Variants in XAB2 observed in about 807,000 individuals in gnomAD.
The protein encoded by XAB2 is XPA binding protein 2.
XAB2 carries 57 observed loss-of-function variants against 113.4 expected under a neutral mutation model. The observed-to-expected ratio is 0.50, with a 90% CI of 0.41 to 0.63. The LOEUF (loss-of-function observed/expected upper bound fraction) is 0.63. XAB2 is among the 20% of genes least tolerant of loss of function. The probability of loss-of-function intolerance (pLI) is 0.00; values close to 1 mark genes in which losing one functional copy is unlikely to be tolerated. For synonymous variants in XAB2, 497 were observed against 498.8 expected (o/e 1.00, Z 0.05); for missense variants, 1,037 against 1,233.3 (o/e 0.84, Z 2.38).
chr19:7,620,017 C>T lies in XAB2; in HGVS notation c.2325G>A (p.Arg775=). 1 of 1,612,566 alleles carries T rather than the reference C, an allele frequency of 6.2e-7. No individual in the cohort carries two copies. Among genetic ancestry groups the T allele is most frequent in the Non-Finnish European group, 8.5e-7 (1 of 1,179,974 alleles). Residue 775 remains arginine, a synonymous_variant, in exon 17 of 19, where the codon CGG becomes CGA. Transcript: ENST00000358368. ...GMDDMKLLEQ[R]AEQLAAEAER... ...CCGCCTCAGCCGCCAGCTGCTCTGC[C>T]CGCTGTTCCAGCAGCTTCATGTCGT...
rs775804016 is a variant in XAB2, at chr19:7,622,995, AACACACAGGCAC to A, written c.1240-114_1240-103del. 5.7e-4 allele frequency: 879 copies of A among 1,554,056 alleles called. 1 individual carries two copies. The highest frequency in any genetic ancestry group is 1.6e-3 in the African/African-American group (121 of 73,564). The stretch of plus-strand genomic sequence containing the variant: ...CCATGCTCACAAACATACAGGCACA[AACACACAGGCAC>A]ACACACAGGCACACACATGCGTGCA... On this transcript the variant is annotated intron_variant, in intron 9 of 18. Coordinates refer to ENST00000358368, the MANE Select transcript of XAB2 (RefSeq NM_020196.3).
At position 7,622,677 on chromosome 19, in the gene XAB2, G is replaced by C; in HGVS notation, c.1372-16C>G. 6.2e-7 allele frequency: 1 copy of C among 1,612,082 alleles called. No homozygotes were observed. The highest frequency in any genetic ancestry group is 8.5e-7 in the Non-Finnish European group (1 of 1,179,880). On this transcript the variant is annotated splice_polypyrimidine_tract_variant and intron_variant, in intron 10 of 18. Transcript: ENST00000358368. The stretch of plus-strand genomic sequence containing the variant: ...CCGTGGCCTTCTGCAGGGGCAGACA[G>C]TGGCCGGGGAGGCGCTCAGGGGCTG...
rs945082334 is a variant in XAB2 at position 7,628,085 on chromosome 19, G to A, written c.200+65C>T. On this transcript the variant is annotated intron_variant, in intron 2 of 18. Coordinates refer to ENST00000358368, the MANE Select transcript of XAB2 (RefSeq NM_020196.3). This position sits in a 1 kb window ranked among gnomAD's most constrained non-coding sequence, Gnocchi z 4.6. ...CCCGGGACCCGGGACCCACTTGGCA[G>A]TTTTGTTATAACTGGACCAGGTGGG... The A allele has an allele frequency of 8.9e-6, 14 of 1,564,610 alleles. No individual in the cohort carries two copies. The Admixed American group carries it at 9.5e-5, about 11-fold the overall frequency.
chr19:7,623,380 A>T lies in XAB2; in HGVS notation c.1120-91T>A. ...TGTGGCTCTGAGGGGTGGGGCCTGG[A>T]GGGTGCTGTGGCCCCTGTCGGGAGA... On this transcript the variant is annotated intron_variant, in intron 8 of 18. Transcript: ENST00000358368. The surrounding 1 kb of genome is among the most constrained non-coding windows in gnomAD (Gnocchi z 4.6). 6.5e-7 allele frequency: 1 copy of T among 1,543,794 alleles called. No homozygotes were observed. Among genetic ancestry groups the T allele is most frequent in the Non-Finnish European group, 8.8e-7 (1 of 1,136,668 alleles).
Position 7,619,563 on chromosome 19 carries a change from A to T in XAB2, c.*23T>A. On this transcript the variant is annotated 3_prime_UTR_variant, in exon 19 of 19. Coordinates refer to ENST00000358368, the MANE Select transcript of XAB2 (RefSeq NM_020196.3). ...TAGCTGTATTGGGGAGGGGGTGGGG[A>T]GGGGGGATGGGGGAGGGACGGGTCA... 1 of 598,574 alleles carries T rather than the reference A, an allele frequency of 1.7e-6. No individual in the cohort carries two copies. The highest frequency in any genetic ancestry group is 2.3e-6 in the Non-Finnish European group (1 of 442,876). The allele number at this position is 598,574 out of a possible 1,614,324, so 37.1% of individuals were successfully genotyped here. A position where few individuals can be genotyped will look rare whatever the true frequency, so the allele number is the denominator to read the frequency against.
At position 7,624,376 on chromosome 19, in the gene XAB2, T is replaced by G; in HGVS notation, c.892A>C (p.Ser298Arg). 1.9e-6 allele frequency: 3 copies of G among 1,614,182 alleles called. No homozygotes were observed. Among genetic ancestry groups the G allele is most frequent in the Non-Finnish European group, 2.5e-6 (3 of 1,180,022 alleles). Residue 298 changes from serine (S) to arginine (R), a missense_variant, in exon 7 of 19, where the codon AGC (serine) becomes CGC (arginine). Physicochemically the swap from Ser to Arg is moderately radical, Grantham distance 110 (BLOSUM62 -1). Coordinates refer to ENST00000358368, the MANE Select transcript of XAB2 (RefSeq NM_020196.3). This position sits in a 1 kb window ranked among gnomAD's most constrained non-coding sequence, Gnocchi z 4.2. ...TVRDFTQVFD[S>R]YAQFEESMIA... ...ATGCTCTCCTCGAACTGGGCGTAGC[T>G]GTCAAACACCTGTGTGAAGTCCCGC...
In XAB2 at chr19:7,621,296, G is replaced by C. The variant is rs1194712294; in HGVS notation, c.1619C>G (p.Ala540Gly). ...EHKYFEESFK[A>G]YERGISLFKW... ...GAACAGCGAGATGCCGCGCTCGTAC[G>C]CCTGTTACCAGAGGGAGAGTCACAT... The change falls in exon 13 of 19, where the codon GCG becomes GGG. Residue 540 changes from alanine to glycine, a missense_variant and splice_region_variant. Coordinates refer to ENST00000358368, the MANE Select transcript of XAB2 (RefSeq NM_020196.3). 6.8e-6 allele frequency: 11 copies of C among 1,612,460 alleles called. No homozygotes were observed. The highest frequency in any genetic ancestry group is 9.3e-6 in the Non-Finnish European group (11 of 1,179,658).
At position 7,624,553 on chromosome 19, in the gene XAB2, G is replaced by A. The variant is rs937143085; in HGVS notation, c.823-108C>T. 7 of 1,521,122 alleles carry A rather than the reference G, an allele frequency of 4.6e-6. No individual in the cohort carries two copies. In the African/African-American group the frequency reaches 8.2e-5, roughly 18 times the overall value. The allele number at this position is 1,521,122 out of a possible 1,614,324, so 94.2% of individuals were successfully genotyped here. ...GGAACCCCTGGGGGCCTTCTGGGTAGTGACGCATCCAGCACCTCTGGGTAG... is the reference window on the plus strand; with the variant it reads ...GGAACCCCTGGGGGCCTTCTGGGTAATGACGCATCCAGCACCTCTGGGTAG... On this transcript the variant is annotated intron_variant, in intron 6 of 18. Transcript: ENST00000358368. The surrounding 1 kb of genome is among the most constrained non-coding windows in gnomAD (Gnocchi z 4.2).
In XAB2 at chr19:7,623,615, G is replaced by T; in HGVS notation, c.1119+116C>A. ...AACCCCAAGAACAGGGGTGGAATTGGACCTACTAAGCAAAGTCAGGCCCCT... is the reference window on the plus strand; with the variant it reads ...AACCCCAAGAACAGGGGTGGAATTGTACCTACTAAGCAAAGTCAGGCCCCT... On this transcript the variant is annotated intron_variant, in intron 8 of 18. Coordinates refer to ENST00000358368, the MANE Select transcript of XAB2 (RefSeq NM_020196.3). The surrounding 1 kb of genome is among the most constrained non-coding windows in gnomAD (Gnocchi z 4.6). 1 of 1,390,786 alleles carries T rather than the reference G, an allele frequency of 7.2e-7. No homozygotes were observed. The highest frequency in any genetic ancestry group is 9.7e-7 in the Non-Finnish European group (1 of 1,035,154). 86.2% of individuals were successfully genotyped at this position (1,390,786 alleles called of 1,614,324 possible).
In XAB2 at chr19:7,629,462, C is replaced by T. The variant is rs1211182631; in HGVS notation, c.51+15G>A. 4 of 1,591,762 alleles carry T rather than the reference C, an allele frequency of 2.5e-6. No individual in the cohort carries two copies. Among genetic ancestry groups the T allele is most frequent in the South Asian group, 1.1e-5 (1 of 87,796 alleles). On this transcript the variant is annotated intron_variant, in intron 1 of 18. Coordinates refer to ENST00000358368, the MANE Select transcript of XAB2 (RefSeq NM_020196.3). ...GCCCCAACGCAGGCCACCCCCGGCT[C>T]CTCTGTGGACTCACGAAGACAAGGT...
In XAB2 at chr19:7,623,439, C is replaced by A; in HGVS notation, c.1120-150G>T. The A allele has an allele frequency of 8.5e-7, 1 of 1,170,550 alleles. No homozygotes were observed. Among genetic ancestry groups the A allele is most frequent in the Non-Finnish European group, 1.2e-6 (1 of 837,398 alleles). 72.5% of individuals were successfully genotyped at this position (1,170,550 alleles called of 1,614,324 possible). A position where few individuals can be genotyped will look rare whatever the true frequency, so the allele number is the denominator to read the frequency against. On this transcript the variant is annotated intron_variant, in intron 8 of 18. Coordinates refer to ENST00000358368, the MANE Select transcript of XAB2 (RefSeq NM_020196.3). The surrounding 1 kb of genome is among the most constrained non-coding windows in gnomAD (Gnocchi z 4.6). ...ACGAACTATGGCCCTTGACAATGGTCAGGACCAAGAGAGAGCTGTGGCCCT... is the reference window on the plus strand; with the variant it reads ...ACGAACTATGGCCCTTGACAATGGTAAGGACCAAGAGAGAGCTGTGGCCCT...
chr19:7,624,876 C>T lies in XAB2; in HGVS notation c.823-431G>A, dbSNP rs1268502573. Reference sequence around the variant, plus strand: ...GCTTGCCTGACCCTCTTCCCCAGCCCGCCTGTCCTCCACCTGGCTCGCCCA... The same window carrying T: ...GCTTGCCTGACCCTCTTCCCCAGCCTGCCTGTCCTCCACCTGGCTCGCCCA... On this transcript the variant is annotated intron_variant, in intron 6 of 18. Coordinates refer to ENST00000358368, the MANE Select transcript of XAB2 (RefSeq NM_020196.3). This position sits in a 1 kb window ranked among gnomAD's most constrained non-coding sequence, Gnocchi z 4.2. Among the ~76,000 whole-genome samples the T allele has an allele frequency of 6.6e-6, 1 of 152,206 alleles. No individual in the cohort carries two copies. The highest frequency in any genetic ancestry group is 2.4e-5 in the African/African-American group (1 of 41,450).
rs1410624387 is a variant in XAB2 at position 7,626,271 on chromosome 19, C to T, written c.523-1G>A. On this transcript the variant is annotated splice_acceptor_variant, in intron 4 of 18. Coordinates refer to ENST00000358368, the MANE Select transcript of XAB2 (RefSeq NM_020196.3). LOFTEE classifies it high-confidence loss of function. Reference sequence around the variant, plus strand: ...ACTCCTCTGCACTCTCAGGACTCAGCTGGGGACCGAGCCACCCCTCAGGCA... The same window carrying T: ...ACTCCTCTGCACTCTCAGGACTCAGTTGGGGACCGAGCCACCCCTCAGGCA... 1 of 1,608,248 alleles carries T rather than the reference C, an allele frequency of 6.2e-7. No individual in the cohort carries two copies. The highest frequency in any genetic ancestry group is 1.1e-5 in the South Asian group (1 of 91,068).
chr19:7,629,499 G>A lies in XAB2; in HGVS notation c.29C>T (p.Pro10Leu), dbSNP rs745944962. 1 of 1,604,454 alleles carries A rather than the reference G, an allele frequency of 6.2e-7. No individual in the cohort carries two copies. Among genetic ancestry groups the A allele is most frequent in the Middle Eastern group, 1.7e-4 (1 of 6,040 alleles). The change falls in exon 1 of 19, where the codon CCC (proline) becomes CTC (leucine). Residue 10 changes from proline to leucine, a missense_variant. Transcript: ENST00000358368. The part of the protein sequence containing the change: MVVMARLSR[P>L]ERPDLVFEEE... ...CACGAAGACAAGGTCCGGCCGCTCG[G>A]GCCGCGAGAGTCGCGCCATCACCAC...
Position 7,623,587 on chromosome 19 carries a change from G to C in XAB2, c.1119+144C>G, listed in dbSNP as rs1163162278. The C allele has an allele frequency of 1.9e-5, 23 of 1,231,290 alleles. No individual in the cohort carries two copies. In the South Asian group the frequency reaches 3.3e-4, roughly 17 times the overall value. The allele number at this position is 1,231,290 out of a possible 1,614,324, so 76.3% of individuals were successfully genotyped here. On this transcript the variant is annotated intron_variant, in intron 8 of 18. Coordinates refer to ENST00000358368, the MANE Select transcript of XAB2 (RefSeq NM_020196.3). This position sits in a 1 kb window ranked among gnomAD's most constrained non-coding sequence, Gnocchi z 4.6. The stretch of plus-strand genomic sequence containing the variant: ...CTGAGGGGCGGGGCTCGGGCAGGAG[G>C]AGAACCCCAAGAACAGGGGTGGAAT...
intron 5 of XAB2, 33 bp from the exon 6 acceptor site, chr19:7,626,077 A>G (rs778247826): frequency 2.0e-5 from 33 of 1,609,914 alleles, no homozygotes; most frequent in Non-Finnish European, 2.7e-5. Context: ...GGAGAGTCTC[A>G]GGCTCAGTCA....
chr19:7,628,789 C>G lies in XAB2; in HGVS notation c.52-491G>C, dbSNP rs1360139196. On this transcript the variant is annotated intron_variant, in intron 1 of 18. Transcript: ENST00000358368. The surrounding 1 kb of genome is among the most constrained non-coding windows in gnomAD (Gnocchi z 4.6). ...TCTTTACCCCAGCCACCAGGGCTCT[C>G]AGGTCCAGATTCCAAGCCACTAGCC... Among the ~76,000 whole-genome samples the G allele has an allele frequency of 1.2e-4, 19 of 152,298 alleles. No individual in the cohort carries two copies. In the East Asian group the frequency reaches 3.5e-3, roughly 28 times the overall value.
Position 7,626,015 on chromosome 19 carries a change from G to T in XAB2, c.687C>A (p.Ser229=). The T allele has an allele frequency of 3.1e-6, 5 of 1,611,814 alleles. No individual in the cohort carries two copies. The highest frequency in any genetic ancestry group is 4.2e-6 in the Non-Finnish European group (5 of 1,178,314). The part of the protein sequence containing the change: ...QLWHELCDLI[S]QNPDKVQSLN... ...GGGACTGTACCTTGTCCGGATTCTG[G>T]GAGATGAGGTCGCACAGCTCGTGCC... Residue 229 remains serine (S), a synonymous_variant, in exon 6 of 19, where the codon TCC becomes TCA. Transcript: ENST00000358368.
Position 7,622,516 on chromosome 19 carries a change from C to A in XAB2, c.1503+14G>T, listed in dbSNP as rs769066240. On this transcript the variant is annotated intron_variant, in intron 11 of 18. Coordinates refer to ENST00000358368, the MANE Select transcript of XAB2 (RefSeq NM_020196.3). ...GTCCGGGGCCCCGTCCCTCCCCAGC[C>A]ACAGGCAGCTCACCTGGAAGGTGCC... 3 of 1,613,920 alleles carry A rather than the reference C, an allele frequency of 1.9e-6. No individual in the cohort carries two copies. The highest frequency in any genetic ancestry group is 2.5e-6 in the Non-Finnish European group (3 of 1,180,024).
Sources: allele counts gnomAD v4.1 joint callset (sites outside exome capture counted in the v4.1 genomes callset), GRCh38; gene constraint gnomAD v4.1.1; non-coding constraint Gnocchi (gnomAD v3.1); transcripts MANE v1.5; gene names NCBI Gene and HGNC (gene_info 2026-07-23, HGNC 2026-07-21).